The following ADARB2 variants were observed in gnomAD, a reference collection of about 807,000 sequenced individuals.
The protein encoded by ADARB2 is inactive double-stranded RNA-specific editase B2.
In ADARB2, 25 loss-of-function variants were observed where a neutral mutation model predicts 62.2. That is an observed-to-expected ratio of 0.40 (90% confidence interval 0.29 to 0.56). ADARB2 has a LOEUF of 0.56. Ranked by LOEUF, ADARB2 falls within the 20% of genes least tolerant of loss-of-function variation. The probability of loss-of-function intolerance (pLI) is 0.43; values close to 1 mark genes in which losing one functional copy is unlikely to be tolerated. For missense variants in ADARB2, 1,071 were observed against 1,077.4 expected (o/e 0.99, Z 0.08); for synonymous variants, 572 against 500.8 (o/e 1.14, Z -1.90).
chr10:1,283,550 G>A (rs1179534151), intron 3 of ADARB2, among the ~76,000 whole-genome samples: 1 of 152,224 alleles, frequency 6.6e-6, no homozygotes, highest in Non-Finnish European at 1.5e-5. Context: ...TTCATCAGAG[G>A]AGTGTTGACG....
chr10:1,561,653 G>C (rs76905917), intron 1 of ADARB2, among the ~76,000 whole-genome samples: 25,423 of 152,142 alleles, frequency 0.17, 2,776 homozygotes, highest in Non-Finnish European at 0.23. Context: ...CCCCCATGCA[G>C]CTGCTGGGCC....
chr10:1,205,672 C>T (rs1013590952), intron 7 of ADARB2, among the ~76,000 whole-genome samples: 3 of 152,288 alleles, frequency 2.0e-5, no homozygotes, highest in African/African-American at 7.2e-5. Context: ...CCGTTACCAC[C>T]TGGGAAGCAC....
chr10:1,558,493 A>G (rs186679293), intron 1 of ADARB2, among the ~76,000 whole-genome samples: 22 of 47,972 alleles, frequency 4.6e-4, no homozygotes, highest in Non-Finnish European at 6.6e-4. Flanking sequence ...GCCCCCACAC[A>G]CCCCATCTAA....
intron 5 of ADARB2, 26 bp from the exon 6 acceptor site, chr10:1,233,871 C>A (rs762021504): frequency 1.9e-6 from 3 of 1,593,494 alleles, no homozygotes; most frequent in East Asian, 2.3e-5. Context: ...GGTTTGGGGT[C>A]ATTTATCACA....
chr10:1,371,644 A>C (rs1330617509), intron 2 of ADARB2, among the ~76,000 whole-genome samples: 2 of 152,196 alleles, frequency 1.3e-5, no homozygotes, highest in African/African-American at 2.4e-5. Flanking sequence ...GGCAAAGGGC[A>C]TGAACAGACA....
intron 3 of ADARB2, among the ~76,000 whole-genome samples, chr10:1,306,456 A>G (rs1423121772): frequency 6.6e-6 from 1 of 152,112 alleles, no homozygotes; most frequent in Non-Finnish European, 1.5e-5. Context: ...GGTAGGAAGA[A>G]TCAATATCGT....
chr10:1,188,526 C>T (rs1312379799), intron 8 of ADARB2, among the ~76,000 whole-genome samples: 1 of 152,066 alleles, frequency 6.6e-6, no homozygotes, highest in East Asian at 1.9e-4. Flanking sequence ...AGGGTCTGCT[C>T]CCCTCTGTGT....
chr10:1,578,491 G>C (rs531277809), intron 1 of ADARB2, among the ~76,000 whole-genome samples: 1 of 152,310 alleles, frequency 6.6e-6, no homozygotes, highest in Admixed American at 6.5e-5. Flanking sequence ...AGTGAGCTGG[G>C]AGCTGTGCTG....
At chr10:1,514,771 T>A (rs770039198) in intron 1 of ADARB2, among the ~76,000 whole-genome samples, 1 of 152,200 alleles carries the variant, frequency 6.6e-6, no homozygotes, top group Non-Finnish European at 1.5e-5. Flanking sequence ...GTGGGTGGGT[T>A]TTGTGTTGTG....
At chr10:1,266,986 AAGC>A (rs1396292324) in intron 4 of ADARB2, among the ~76,000 whole-genome samples, 5 of 152,190 alleles carry the variant, frequency 3.3e-5, no homozygotes, top group Admixed American at 6.5e-5. Context: ...TTAAAAGTAA[AAGC>A]AGAAAATTAA....
At chr10:1,361,872 T>C (rs982718512) in intron 3 of ADARB2, among the ~76,000 whole-genome samples, 1 of 152,266 alleles carries the variant, frequency 6.6e-6, no homozygotes, top group African/African-American at 2.4e-5. Context: ...CGCACTGGGC[T>C]AAGTGCTTTT....
chr10:1,314,348 T>A (rs1266896694), intron 3 of ADARB2, among the ~76,000 whole-genome samples: 1 of 151,980 alleles, frequency 6.6e-6, no homozygotes, highest in Non-Finnish European at 1.5e-5. Flanking sequence ...TCCTAGGAAG[T>A]CCCTTATGAG....
chr10:1,492,338 C>T (rs931564474), intron 1 of ADARB2, among the ~76,000 whole-genome samples: 3 of 152,092 alleles, frequency 2.0e-5, no homozygotes, highest in Non-Finnish European at 4.4e-5. Context: ...TGGGTCCTAG[C>T]TCGTTAAGAG....
At chr10:1,713,780 T>G (rs1047634801) in intron 1 of ADARB2, among the ~76,000 whole-genome samples, 1 of 152,178 alleles carries the variant, frequency 6.6e-6, no homozygotes, top group Non-Finnish European at 1.5e-5. Context: ...CCCTTGACAC[T>G]TTAAAGCAAA....
chr10:1,381,631 A>G (rs139914302), intron 1 of ADARB2, among the ~76,000 whole-genome samples: 125 of 152,362 alleles, frequency 8.2e-4, no homozygotes, highest in African/African-American at 2.9e-3. Flanking sequence ...GAAATGCGGT[A>G]CAGCCAAGCA....
intron 1 of ADARB2, among the ~76,000 whole-genome samples, chr10:1,593,159 A>G (rs1833283675): frequency 9.1e-6 from 1 of 110,186 alleles, no homozygotes; most frequent in African/African-American, 3.8e-5. Context: ...GCCACGCTCC[A>G]TCGGTCTCCT....
rs545000177 is a variant in ADARB2 at position 1,728,386 on chromosome 10, A to G, written c.100+8665T>C. 2.7e-3 allele frequency among the ~76,000 whole-genome samples: 410 copies of G among 152,322 alleles called. 2 individuals carry two copies. The highest frequency in any genetic ancestry group is 4.2e-3 in the Non-Finnish European group (289 of 68,034). Reference sequence around the variant, plus strand: ...GTTTAGTGAAGATTTCTTTCTCTACATGATTTTTGTAATGTTTATATTAGA... The same window carrying G: ...GTTTAGTGAAGATTTCTTTCTCTACGTGATTTTTGTAATGTTTATATTAGA... On this transcript the variant is annotated intron_variant, in intron 1 of 9. Coordinates refer to ENST00000381312, the MANE Select transcript of ADARB2 (RefSeq NM_018702.4).
In ADARB2 at chr10:1,363,418, G is replaced by C; in HGVS notation, c.687C>G (p.Pro229=). 2 of 1,369,864 alleles carry C rather than the reference G, an allele frequency of 1.5e-6. No homozygotes were observed. Among genetic ancestry groups the C allele is most frequent in the Non-Finnish European group, 1.9e-6 (2 of 1,059,974 alleles). 84.9% of individuals were successfully genotyped at this position (1,369,864 alleles called of 1,614,324 possible). The change falls in exon 3 of 10, where the codon CCC becomes CCG. Residue 229 remains proline, a synonymous_variant. Transcript: ENST00000381312. Reference sequence around the variant, plus strand: ...CCGCGAGTCCGGGGCGCGGCGCCGGGGGCTCGAACTCCTGGAAGAGCGTGT... The same window carrying C: ...CCGCGAGTCCGGGGCGCGGCGCCGGCGGCTCGAACTCCTGGAAGAGCGTGT... ...FPDTLFQEFE[P]PAPRPGLAGG...
chr10:1,718,563 G>A (rs934491571), intron 1 of ADARB2, among the ~76,000 whole-genome samples: 8 of 152,190 alleles, frequency 5.3e-5, no homozygotes, highest in Non-Finnish European at 8.8e-5. Context: ...CTCCTGCCCC[G>A]CCTCCATGTC....
Sources: gnomAD v4.1 joint callset for allele counts (sites outside exome capture counted in the v4.1 genomes callset) on GRCh38, gnomAD v4.1.1 for gene constraint, MANE v1.5 for transcripts, NCBI Gene and HGNC (gene_info 2026-07-23, HGNC 2026-07-21) for gene names.